The following ANO3 variants were observed in gnomAD, a reference collection of about 807,000 sequenced individuals.
The protein encoded by ANO3 is anoctamin 3, also known as anoctamin-3.
ANO3 carries 99 observed loss-of-function variants against 144.8 expected under a neutral mutation model. The ratio of observed to expected loss-of-function variants is 0.68; its 90% CI spans 0.58 to 0.81. The LOEUF (loss-of-function observed/expected upper bound fraction) is 0.81. Among genes scored for constraint, ANO3 ranks in the 30% least tolerant of loss-of-function variants. ANO3 has a pLI of 0.00. For missense variants in ANO3, 905 were observed against 1,202.2 expected, an observed-to-expected ratio of 0.75 and a Z score of 3.66; for synonymous variants, 414 against 392.6, an observed-to-expected ratio of 1.05 and a Z score of -0.64.
intron 1 of ANO3, among the ~76,000 whole-genome samples, chr11:26,269,856 A>G (rs1488800876): frequency 6.6e-6 from 1 of 152,212 alleles, no homozygotes; most frequent in African/African-American, 2.4e-5. Flanking sequence ...AGTACCTCTC[A>G]ATGTGACCAT....
At chr11:26,635,477 T>G (rs2133044475) in intron 20 of ANO3, among the ~76,000 whole-genome samples, 1 of 152,304 alleles carries the variant, frequency 6.6e-6, no homozygotes, top group East Asian at 1.9e-4. Context: ...AGACTCATAT[T>G]TCTTTATTGA....
intron 1 of ANO3, among the ~76,000 whole-genome samples, chr11:26,200,764 G>T (rs1458832445): frequency 6.6e-6 from 1 of 152,092 alleles, no homozygotes; most frequent in Non-Finnish European, 1.5e-5. Flanking sequence ...AGAGAGTATT[G>T]TCCTCTTGGT....
chr11:26,384,484 T>G (rs1856671619), intron 1 of ANO3, among the ~76,000 whole-genome samples: 1 of 152,176 alleles, frequency 6.6e-6, no homozygotes, highest in African/African-American at 2.4e-5. Flanking sequence ...AGGTAGGGCT[T>G]AAAGAGGAGT....
At chr11:26,627,017 G>A (rs1852608537) in intron 18 of ANO3, among the ~76,000 whole-genome samples, 1 of 152,070 alleles carries the variant, frequency 6.6e-6, no homozygotes, top group African/African-American at 2.4e-5. Flanking sequence ...CAGCTCTAGA[G>A]TGAGAATGCC....
chr11:26,503,284 A>G (rs989462405), intron 4 of ANO3, among the ~76,000 whole-genome samples: 2 of 152,160 alleles, frequency 1.3e-5, no homozygotes, highest in African/African-American at 2.4e-5. Context: ...CAGATAACTC[A>G]TGAAATGAAT....
At chr11:26,642,879 C>T (rs569230518) in intron 22 of ANO3, among the ~76,000 whole-genome samples, 1 of 151,930 alleles carries the variant, frequency 6.6e-6, no homozygotes, top group Non-Finnish European at 1.5e-5. Context: ...TGTTTTGTCT[C>T]CCATCTTCCC....
intron 1 of ANO3, among the ~76,000 whole-genome samples, chr11:26,203,638 T>C (rs1851740223): frequency 6.6e-6 from 1 of 152,150 alleles, no homozygotes; most frequent in Non-Finnish European, 1.5e-5. Flanking sequence ...TGGCCTCAAC[T>C]TCCTGTCTTT....
intron 1 of ANO3, among the ~76,000 whole-genome samples, chr11:26,382,566 AG>A (rs961239945): frequency 2.0e-5 from 3 of 152,296 alleles, no homozygotes; most frequent in Non-Finnish European, 2.9e-5. Flanking sequence ...AAGAAGCATC[AG>A]TCATAGAAGC....
Position 26,254,232 on chromosome 11 carries a change from C to G in ANO3, c.155-55413C>G, listed in dbSNP as rs114511845. Among the ~76,000 whole-genome samples the G allele has an allele frequency of 7.5e-3, 1,145 of 152,206 alleles. 9 individuals carry two copies. The highest frequency in any genetic ancestry group is 0.026 in the African/African-American group (1,094 of 41,540). ...TGCACTAAAGTAAAGACTATAGCTGCCCCAATTCAACCCATTTCTTTGGAT... is the reference window on the plus strand; with the variant it reads ...TGCACTAAAGTAAAGACTATAGCTGGCCCAATTCAACCCATTTCTTTGGAT... On this transcript the variant is annotated intron_variant, in intron 1 of 27. Coordinates refer to the ANO3 transcript ENST00000672621.
intron 1 of ANO3, among the ~76,000 whole-genome samples, chr11:26,438,848 A>G (rs1042563820): frequency 1.3e-5 from 2 of 152,002 alleles, no homozygotes; most frequent in Non-Finnish European, 2.9e-5. Context: ...TTAAATTTAT[A>G]TAGAAATACA....
chr11:26,615,024 T>C (rs2132979123), intron 17 of ANO3, among the ~76,000 whole-genome samples: 1 of 151,640 alleles, frequency 6.6e-6, no homozygotes, highest in South Asian at 2.1e-4. Flanking sequence ...TTATATTCTA[T>C]AAAAAGAATA....
At chr11:26,535,936 T>C (rs1410947422) in intron 9 of ANO3, among the ~76,000 whole-genome samples, 13 of 152,022 alleles carry the variant, frequency 8.6e-5, no homozygotes. Flanking sequence ...TAATTAATAA[T>C]TTATTTATTA....
chr11:26,577,099 T>C (rs1448383512), intron 14 of ANO3, among the ~76,000 whole-genome samples: 1 of 152,156 alleles, frequency 6.6e-6, no homozygotes, highest in East Asian at 1.9e-4. Context: ...ATAGGAGCCA[T>C]TTCACAAGAA....
At chr11:26,487,712 A>C (rs1565055399) in intron 4 of ANO3, among the ~76,000 whole-genome samples, 1 of 152,202 alleles carries the variant, frequency 6.6e-6, no homozygotes, top group Non-Finnish European at 1.5e-5. Context: ...ACTGGAGCAA[A>C]GGTGACTCCT....
chr11:26,599,506 A>G lies in ANO3; in HGVS notation c.1672-44A>G, dbSNP rs1565133802. The G allele has an allele frequency of 3.2e-6, 5 of 1,583,894 alleles. No individual in the cohort carries two copies. The Middle Eastern group carries it at 6.7e-4, about 214-fold the overall frequency. On this transcript the variant is annotated intron_variant, in intron 16 of 26. Coordinates refer to ENST00000256737, the MANE Select transcript of ANO3 (RefSeq NM_031418.4). ...CTACGGTTTTGCTTTTGACTTGTTA[A>G]TGATGTAAAATATGGATGTTTTTTC...
chr11:26,281,078 T>C (rs919430028), intron 1 of ANO3, among the ~76,000 whole-genome samples: 1 of 152,314 alleles, frequency 6.6e-6, no homozygotes, highest in African/African-American at 2.4e-5. Flanking sequence ...TTAAAAGTGC[T>C]TTTCATATAG....
intron 14 of ANO3, chr11:26,560,497 T>A (rs1368837806): frequency 6.6e-6 from 1 of 152,400 alleles, no homozygotes; most frequent in Admixed American, 6.6e-5. Context: ...GCTGATCATG[T>A]GTGTGCTGAT....
chr11:26,378,374 ATATATC>A (rs1360647099), intron 1 of ANO3, among the ~76,000 whole-genome samples: 1 of 146,746 alleles, frequency 6.8e-6, no homozygotes, highest in East Asian at 2.0e-4. Flanking sequence ...TATATTATCT[ATATATC>A]TATATATAAT....
At chr11:26,282,566 T>C (rs1853703746) in intron 1 of ANO3, among the ~76,000 whole-genome samples, 1 of 152,182 alleles carries the variant, frequency 6.6e-6, no homozygotes, top group African/African-American at 2.4e-5. Context: ...TTTTTTTAAT[T>C]AAGAAATTGA....
Sources: gnomAD v4.1 joint callset for allele counts (sites outside exome capture counted in the v4.1 genomes callset) on GRCh38, gnomAD v4.1.1 for gene constraint, MANE v1.5 for transcripts, NCBI Gene and HGNC (gene_info 2026-07-23, HGNC 2026-07-21) for gene names.